The following MKLN1 variants were observed in gnomAD, a reference collection of about 807,000 sequenced individuals.
The protein encoded by MKLN1 is muskelin 1.
A neutral mutation model predicts 99.0 loss-of-function variants in MKLN1; 18 were observed. The observed-to-expected ratio is 0.18, with a 90% CI of 0.13 to 0.27. The LOEUF is 0.27. MKLN1 is among the 10% of genes least tolerant of loss of function. MKLN1 has a pLI of 1.00. For missense variants in MKLN1, 621 were observed against 875.9 expected, an observed-to-expected ratio of 0.71 and a Z score of 3.67; for synonymous variants, 288 against 293.2, an observed-to-expected ratio of 0.98 and a Z score of 0.18.
At chr7:131,337,471 C>T (rs1183962327) in intron 1 of MKLN1, among the ~76,000 whole-genome samples, 1 of 152,028 alleles carries the variant, frequency 6.6e-6, no homozygotes, top group East Asian at 1.9e-4. Flanking sequence ...CTGAATTTAA[C>T]TATGTCCAAT....
chr7:131,418,587 A>AT (rs1795096962), intron 8 of MKLN1, among the ~76,000 whole-genome samples: 1 of 152,196 alleles, frequency 6.6e-6, no homozygotes, highest in Admixed American at 6.5e-5. Flanking sequence ...CCTGGGCCTC[A>AT]TGCAGCCCAT....
chr7:131,439,681 A>G (rs945728289), intron 10 of MKLN1, among the ~76,000 whole-genome samples: 26 of 152,188 alleles, frequency 1.7e-4, no homozygotes, highest in African/African-American at 6.0e-4. Context: ...AAAATATGAG[A>G]AAGCTATACG....
chr7:131,316,742 C>T (rs1490054408), intron 3 of MKLN1, among the ~76,000 whole-genome samples: 1 of 152,058 alleles, frequency 6.6e-6, no homozygotes, highest in Non-Finnish European at 1.5e-5. Flanking sequence ...ACTAGAATAA[C>T]CAGTTTAGAG....
chr7:131,167,496 G>A (rs1212683180), intron 2 of MKLN1, among the ~76,000 whole-genome samples: 1 of 151,878 alleles, frequency 6.6e-6, no homozygotes, highest in Non-Finnish European at 1.5e-5. Context: ...AACATGGTGA[G>A]ACTCTGTCTC....
chr7:131,406,292 TAAAG>T (rs935921278), intron 6 of MKLN1, among the ~76,000 whole-genome samples: 12 of 151,636 alleles, frequency 7.9e-5, no homozygotes, highest in Non-Finnish European at 1.2e-4. Context: ...TTTATTTAAA[TAAAG>T]AAAATTTTAT....
At position 131,487,746 on chromosome 7, in the gene MKLN1, A is replaced by G. The variant is rs200788391; in HGVS notation, c.*18A>G. 39 of 1,605,658 alleles carry G rather than the reference A, an allele frequency of 2.4e-5. No individual in the cohort carries two copies. Among genetic ancestry groups the G allele is most frequent in the Non-Finnish European group, 3.2e-5 (38 of 1,177,112 alleles). ...CACTGTAACTGAAGAGTCACTGGAC[A>G]CAGAAATGGAAAACAGGAGTCGATT... On this transcript the variant is annotated 3_prime_UTR_variant, in exon 18 of 18. Transcript: ENST00000352689. The surrounding 1 kb of genome is among the most constrained non-coding windows in gnomAD (Gnocchi z 4.7).
intron 3 of MKLN1, among the ~76,000 whole-genome samples, chr7:131,213,401 G>T (rs1796934749): frequency 6.6e-6 from 1 of 152,154 alleles, no homozygotes; most frequent in Non-Finnish European, 1.5e-5. Context: ...TGTTGTCAGT[G>T]ATGCTATAAC....
chr7:131,182,682 G>A (rs888207429), intron 2 of MKLN1, among the ~76,000 whole-genome samples: 1 of 151,488 alleles, frequency 6.6e-6, no homozygotes, highest in Admixed American at 6.5e-5. Flanking sequence ...TTAAGAGTCT[G>A]TTTTATAGTG....
chr7:131,145,904 A>G (rs1000182108), intron 2 of MKLN1, among the ~76,000 whole-genome samples: 5 of 152,256 alleles, frequency 3.3e-5, no homozygotes, highest in Non-Finnish European at 5.9e-5. Context: ...CACTGGGTAC[A>G]TTTGTGACAG....
At chr7:131,159,366 A>G (rs1393988040) in intron 2 of MKLN1, among the ~76,000 whole-genome samples, 1 of 152,224 alleles carries the variant, frequency 6.6e-6, no homozygotes, top group Non-Finnish European at 1.5e-5. Context: ...ACACACACAT[A>G]CAATGGACTA....
At chr7:131,325,032 G>A (rs113688437), upstream of MKLN1, among the ~76,000 whole-genome samples, 3,296 of 152,196 alleles carry the variant, frequency 0.022, 112 homozygotes, top group African/African-American at 0.075. Context: ...TGTAGTCTGA[G>A]AAGTGCTGGC....
intron 12 of MKLN1, among the ~76,000 whole-genome samples, chr7:131,455,810 C>T (rs1385324386): frequency 2.0e-5 from 3 of 152,114 alleles, no homozygotes; most frequent in Non-Finnish European, 2.9e-5. Flanking sequence ...CTTTGGGAGG[C>T]CGAGGCAGGC....
At position 131,411,339 on chromosome 7, in the gene MKLN1, A is replaced by G. The variant is rs780976085; in HGVS notation, c.737A>G (p.Glu246Gly). 1 of 1,612,042 alleles carries G rather than the reference A, an allele frequency of 6.2e-7. No homozygotes were observed. The highest frequency in any genetic ancestry group is 2.2e-5 in the East Asian group (1 of 44,840). The change falls in exon 7 of 18, where the codon GAA becomes GGA. Residue 246 changes from glutamate to glycine, a missense_variant. Glu to Gly is a moderately conservative substitution (Grantham distance 98, BLOSUM62 -2). Around this residue, in one of 8 missense-constraint regions of MKLN1, gnomAD observed 361 missense variants for 540.8 expected, o/e 0.67. Coordinates refer to ENST00000352689, the MANE Select transcript of MKLN1 (RefSeq NM_013255.5). ...GLFNQYISQQ[E>G]YKPRWSQIIP... The stretch of plus-strand genomic sequence containing the variant: ...TTCAATCAGTATATCAGTCAACAGG[A>G]ATATAAGCCACGATGGAGTCAAATC...
At chr7:131,225,083 A>G (rs1584849183) in intron 3 of MKLN1, among the ~76,000 whole-genome samples, 2 of 152,220 alleles carry the variant, frequency 1.3e-5, no homozygotes. Flanking sequence ...AAAAAAAAAA[A>G]AAAAGAAATA....
intron 2 of MKLN1, among the ~76,000 whole-genome samples, chr7:131,192,149 A>G (rs1796562244): frequency 8.3e-6 from 1 of 120,906 alleles, no homozygotes; most frequent in African/African-American, 3.3e-5. Flanking sequence ...ATATACGTAT[A>G]TATACATATA....
At chr7:131,337,477 C>A (rs1799282459) in intron 1 of MKLN1, among the ~76,000 whole-genome samples, 1 of 151,912 alleles carries the variant, frequency 6.6e-6, no homozygotes, top group South Asian at 2.1e-4. Flanking sequence ...TTAACTATGT[C>A]CAATCTGCTT....
chr7:131,153,403 A>T (rs1795917687), intron 2 of MKLN1, among the ~76,000 whole-genome samples: 1 of 152,110 alleles, frequency 6.6e-6, no homozygotes, highest in Non-Finnish European at 1.5e-5. Flanking sequence ...ACTCAACCCA[A>T]GCAGTTTTTG....
chr7:131,483,200 TGTG>T (rs1797173896), intron 17 of MKLN1, among the ~76,000 whole-genome samples: 1 of 152,256 alleles, frequency 6.6e-6, no homozygotes, highest in Admixed American at 6.5e-5. Context: ...TTTAAGTAGT[TGTG>T]GTACTGTTGA....
At chr7:131,287,337 T>A (rs866606527) in intron 3 of MKLN1, among the ~76,000 whole-genome samples, 46 of 152,324 alleles carry the variant, frequency 3.0e-4, no homozygotes, top group African/African-American at 9.9e-4. Context: ...GACAGAAGTC[T>A]GAAATCAAGT....
Sources: allele counts gnomAD v4.1 joint callset (sites outside exome capture counted in the v4.1 genomes callset), GRCh38; gene constraint gnomAD v4.1.1; regional missense constraint gnomAD v4.1.1; non-coding constraint Gnocchi (gnomAD v3.1); transcripts MANE v1.5; gene names NCBI Gene and HGNC (gene_info 2026-07-23, HGNC 2026-07-21).